CS: variants seen among roughly 807,000 people sequenced by gnomAD.
The protein encoded by CS is citrate synthase.
CS carries 13 observed loss-of-function variants against 61.4 expected under a neutral mutation model. That is an observed-to-expected ratio of 0.21 (90% confidence interval 0.14 to 0.34). The LOEUF (loss-of-function observed/expected upper bound fraction) is 0.34, where lower values mean the gene tolerates loss of function less well. Ranked by LOEUF, CS falls within the 10% of genes least tolerant of loss-of-function variation. The probability of loss-of-function intolerance (pLI) is 1.00; values close to 1 mark genes in which losing one functional copy is unlikely to be tolerated. For missense variants in CS, 278 were observed against 573.4 expected (o/e 0.48, Z 5.26); for synonymous variants, 159 against 215.2 (o/e 0.74, Z 2.29).
chr12:56,280,440 A>AACAC (rs1872748667), intron 6 of CS, among the ~76,000 whole-genome samples: 1 of 119,848 alleles, frequency 8.3e-6, no homozygotes, highest in Non-Finnish European at 1.7e-5. Context: ...AAAAAAAACA[A>AACAC]AAAAATTAGC....
intron 3 of CS, chr12:56,285,277 C>CTTTTTTTTT (rs1872908058): frequency 2.2e-6 from 1 of 444,854 alleles, no homozygotes; most frequent in Non-Finnish European, 4.5e-6. Context: ...TGAGAAATCA[C>CTTTTTTTTT]TATCTTTCTT....
At position 56,282,536 on chromosome 12, in the gene CS, A is replaced by G; in HGVS notation, c.472T>C (p.Phe158Leu). The G allele has an allele frequency of 6.4e-7, 1 of 1,569,526 alleles. No individual in the cohort carries two copies. The highest frequency in any genetic ancestry group is 8.7e-7 in the Non-Finnish European group (1 of 1,155,096). ...PSHVVTMLDN[F>L]PTNLHPMSQL... ...GACATGGGGTGTAGATTGGTGGGAA[A>G]GTTGTCCAGCATGGTGACCACATGG... Residue 158 changes from phenylalanine (F) to leucine (L), a missense_variant, in exon 6 of 11, where the codon TTT becomes CTT. By Grantham distance (22) the Phe-to-Leu change is conservative. Coordinates refer to ENST00000351328, the MANE Select transcript of CS (RefSeq NM_004077.3).
chr12:56,297,694 ACT>A (rs1421125029), intron 1 of CS, among the ~76,000 whole-genome samples: 1 of 151,910 alleles, frequency 6.6e-6, no homozygotes, highest in African/African-American at 2.4e-5. Flanking sequence ...ACAGAGTAAG[ACT>A]CTGTCTCAAA....
intron 1 of CS, among the ~76,000 whole-genome samples, chr12:56,290,631 C>T (rs980826052): frequency 3.8e-4 from 57 of 151,952 alleles, no homozygotes; most frequent in African/African-American, 1.3e-3. Flanking sequence ...GGTAAGATTG[C>T]TCAAAAGGGT....
intron 1 of CS, among the ~76,000 whole-genome samples, chr12:56,294,810 C>G (rs2135926043): frequency 6.6e-6 from 1 of 152,206 alleles, no homozygotes; most frequent in East Asian, 1.9e-4. Flanking sequence ...ACTCTATTGC[C>G]CAGGCTGGAG....
chr12:56,278,686 G>A (rs1229551682), intron 6 of CS, among the ~76,000 whole-genome samples: 2 of 151,334 alleles, frequency 1.3e-5, no homozygotes, highest in Admixed American at 6.6e-5. Context: ...GCAGTGAGCC[G>A]AGGTCGTGCC....
chr12:56,299,587 A>G (rs1459686195), intron 1 of CS, among the ~76,000 whole-genome samples: 1 of 152,186 alleles, frequency 6.6e-6, no homozygotes, highest in East Asian at 1.9e-4. Flanking sequence ...AAAAAGTGCA[A>G]GAGTCCCAAG....
chr12:56,282,734 A>G lies in CS; in HGVS notation c.399+126T>C. 3 of 1,525,698 alleles carry G rather than the reference A, an allele frequency of 2.0e-6. No individual in the cohort carries two copies. The Admixed American group carries it at 5.4e-5, about 28-fold the overall frequency. 94.5% of individuals were successfully genotyped at this position (1,525,698 alleles called of 1,614,324 possible). A position where few individuals can be genotyped will look rare whatever the true frequency, so the allele number is the denominator to read the frequency against. Reference sequence around the variant, plus strand: ...CAACCCAATCCATTTATACAGCAGAACTCTGCTGATTCCTTCCCTTCACTA... The same window carrying G: ...CAACCCAATCCATTTATACAGCAGAGCTCTGCTGATTCCTTCCCTTCACTA... On this transcript the variant is annotated intron_variant, in intron 5 of 10. Coordinates refer to ENST00000351328, the MANE Select transcript of CS (RefSeq NM_004077.3).
chr12:56,296,258 C>G (rs767456179), intron 1 of CS, among the ~76,000 whole-genome samples: 28 of 152,002 alleles, frequency 1.8e-4, no homozygotes, highest in Non-Finnish European at 1.0e-4. Context: ...CCCAGGAGTT[C>G]GAAACCAGCC....
At chr12:56,275,234 C>T in intron 7 of CS, 103 bp from the exon 8 acceptor site, 2 of 1,372,430 alleles carry the variant, frequency 1.5e-6, no homozygotes, top group African/African-American at 1.4e-5. Flanking sequence ...GTTATGGGCT[C>T]ATGCCAGCCT....
At chr12:56,279,829 G>A (rs1369643601) in intron 6 of CS, among the ~76,000 whole-genome samples, 5 of 150,860 alleles carry the variant, frequency 3.3e-5, no homozygotes, top group Admixed American at 6.6e-5. Context: ...TTAGCCAGGC[G>A]TGGTGGTGCG....
intron 4 of CS, 23 bp from the exon 5 acceptor site, chr12:56,283,014 T>C: frequency 6.2e-7 from 1 of 1,611,124 alleles, no homozygotes; most frequent in Non-Finnish European, 8.5e-7. Context: ...GAGAGAGAAT[T>C]ACAACTCAAG....
At chr12:56,290,115 CA>C (rs1873071550) in intron 1 of CS, among the ~76,000 whole-genome samples, 1 of 152,028 alleles carries the variant, frequency 6.6e-6, no homozygotes, top group Non-Finnish European at 1.5e-5. Flanking sequence ...AGGCTGGTCT[CA>C]AACTCCTGAC....
At position 56,286,703 on chromosome 12, in the gene CS, CAAG is replaced by C. The variant is rs1318572051; in HGVS notation, c.43-61_43-59del. 9 of 1,457,564 alleles carry C rather than the reference CAAG, an allele frequency of 6.2e-6. No individual in the cohort carries two copies. In the Admixed American group the frequency reaches 1.5e-4, roughly 25 times the overall value. The allele number at this position is 1,457,564 out of a possible 1,614,324, so 90.3% of individuals were successfully genotyped here. On this transcript the variant is annotated intron_variant, in intron 1 of 10. Transcript: ENST00000351328. ...GTTACCCCTCCCTCTTTTATATTAA[CAAG>C]AAGGAATTACAGTGACTCAACCTCT...
intron 6 of CS, among the ~76,000 whole-genome samples, chr12:56,282,137 A>G (rs1440290181): frequency 2.0e-5 from 3 of 152,190 alleles, no homozygotes; most frequent in Non-Finnish European, 2.9e-5. Flanking sequence ...GATTATAGGC[A>G]TGAGCCACTG....
intron 1 of CS, among the ~76,000 whole-genome samples, chr12:56,289,071 G>A (rs1873033444): frequency 6.6e-6 from 1 of 152,140 alleles, no homozygotes; most frequent in Non-Finnish European, 1.5e-5. Flanking sequence ...TACCAGGGCT[G>A]TCCTTAACTC....
In CS at chr12:56,276,108, C is replaced by T. The variant is rs143827564; in HGVS notation, c.676G>A (p.Gly226Ser). The change falls in exon 7 of 11, where the codon GGT (glycine) becomes AGT (serine). Residue 226 changes from glycine to serine, a missense_variant. By Grantham distance (56) the Gly-to-Ser change is moderately conservative (BLOSUM62 0). Coordinates refer to ENST00000351328, the MANE Select transcript of CS (RefSeq NM_004077.3). Reference sequence around the variant, plus strand: ...AGGTTAGAGTCAATGGCCCCAATACCGCTGCCTTCTCTGTAGAGATTTCGG... The same window carrying T: ...AGGTTAGAGTCAATGGCCCCAATACTGCTGCCTTCTCTGTAGAGATTTCGG... ...IYRNLYREGS[G>S]IGAIDSNLDW... 127 of 1,614,098 alleles carry T rather than the reference C, an allele frequency of 7.9e-5. No individual in the cohort carries two copies. Among genetic ancestry groups the T allele is most frequent in the Admixed American group, 1.2e-4 (7 of 60,010 alleles).
At position 56,300,059 on chromosome 12, in the gene CS, C is replaced by G. The variant is rs1429002786; in HGVS notation, c.42+101G>C. On this transcript the variant is annotated intron_variant, in intron 1 of 10. Transcript: ENST00000351328. ...CAAGCGCAGGGCCCTTTAAGGCGCG[C>G]AGGGTGCGCACGGGTGTGGGAGGGA... The G allele has an allele frequency of 5.8e-6, 7 of 1,202,826 alleles. No homozygotes were observed. In the South Asian group the frequency reaches 1.0e-4, roughly 17 times the overall value. 74.5% of individuals were successfully genotyped at this position (1,202,826 alleles called of 1,614,324 possible). A position where few individuals can be genotyped will look rare whatever the true frequency, so the allele number is the denominator to read the frequency against.
chr12:56,299,630 G>A (rs1873416062), intron 1 of CS, among the ~76,000 whole-genome samples: 1 of 152,198 alleles, frequency 6.6e-6, no homozygotes. Flanking sequence ...ACCCACTCTT[G>A]TGCTCGGCGT....
Sources: gnomAD v4.1 joint callset for allele counts (sites outside exome capture counted in the v4.1 genomes callset) on GRCh38, gnomAD v4.1.1 for gene constraint, MANE v1.5 for transcripts, NCBI Gene and HGNC (gene_info 2026-07-23, HGNC 2026-07-21) for gene names.